The following PHAX variants were observed in gnomAD, a reference collection of about 807,000 sequenced individuals.
The protein encoded by PHAX is phosphorylated adaptor for RNA export.
Under a neutral mutation model 41.6 loss-of-function variants are expected in PHAX, and 31 were observed. The observed-to-expected ratio is 0.75, with a 90% confidence interval of 0.56 to 1.01. The LOEUF is 1.01. Among genes scored for constraint, PHAX ranks in the 50% least tolerant of loss-of-function variants. The pLI is 0.00. For missense variants in PHAX, 453 were observed against 472.9 expected, an observed-to-expected ratio of 0.96 and a Z score of 0.39; for synonymous variants, 175 against 164.9, an observed-to-expected ratio of 1.06 and a Z score of -0.47.
intron 3 of PHAX, among the ~76,000 whole-genome samples, chr5:126,609,614 G>A (rs190939398): frequency 1.6e-4 from 25 of 151,966 alleles, no homozygotes; most frequent in Admixed American, 4.6e-4. Context: ...AGGAGATGGT[G>A]CACATGAAAT....
chr5:126,600,999 C>G lies in PHAX; in HGVS notation c.37C>G (p.Leu13Val), dbSNP rs764612839. 1.4e-5 allele frequency: 22 copies of G among 1,605,704 alleles called. No homozygotes were observed. Among genetic ancestry groups the G allele is most frequent in the African/African-American group, 2.7e-5 (2 of 73,172 alleles). Residue 13 changes from leucine (L) to valine (V), a missense_variant, in exon 1 of 5, where the codon CTT becomes GTT. Coordinates refer to ENST00000297540, the MANE Select transcript of PHAX (RefSeq NM_032177.4). ...GGTCGGCGATATGGAAGATGGGCAG[C>G]TTTCCGACTCGGATTCCGACATGAC... The part of the protein sequence containing the change: ...LEVGDMEDGQ[L>V]SDSDSDMTVA...
At chr5:126,614,142 A>G (rs1013311424) in intron 3 of PHAX, among the ~76,000 whole-genome samples, 13 of 152,160 alleles carry the variant, frequency 8.5e-5, no homozygotes, top group Non-Finnish European at 1.8e-4. Flanking sequence ...TCTGTCACCC[A>G]GGGTGGAGTA....
Position 126,624,909 on chromosome 5 carries a change from T to C in PHAX, c.*65T>C. The C allele has an allele frequency of 7.0e-7, 1 of 1,432,592 alleles. No individual in the cohort carries two copies. The highest frequency in any genetic ancestry group is 1.4e-5 in the African/African-American group (1 of 70,170). The allele number at this position is 1,432,592 out of a possible 1,614,324, so 88.7% of individuals were successfully genotyped here. ...TAACATTGTAATAAACCATTTTTAC[T>C]GAGATTGCAACGTTTTGCACTGATA... On this transcript the variant is annotated 3_prime_UTR_variant, in exon 5 of 5. Transcript: ENST00000297540.
rs1322324382 is a variant in PHAX, at chr5:126,603,959, G to T, written c.486G>T (p.Lys162Asn). The change falls in exon 2 of 5, where the codon AAG (lysine) becomes AAT (asparagine). Residue 162 changes from lysine (K) to asparagine (N), a missense_variant. Transcript: ENST00000297540. ...YNYLLAKKLRKESQEHTKDLD... is the reference protein window; with the variant it reads ...YNYLLAKKLRNESQEHTKDLD... ...ATTTGCTTGCCAAGAAACTTAGGAA[G>T]GAATCTCAAGAGCATACAAAAGATC... The T allele has an allele frequency of 6.2e-7, 1 of 1,613,856 alleles. No individual in the cohort carries two copies. Among genetic ancestry groups the T allele is most frequent in the East Asian group, 2.2e-5 (1 of 44,884 alleles).
At chr5:126,615,166 CT>C (rs754327657) in intron 3 of PHAX, among the ~76,000 whole-genome samples, 35 of 151,970 alleles carry the variant, frequency 2.3e-4, no homozygotes, top group Non-Finnish European at 4.7e-4. Flanking sequence ...AGAGAGCCCC[CT>C]CATTCTTTTT....
chr5:126,603,255 G>A (rs1751932816), intron 1 of PHAX, among the ~76,000 whole-genome samples: 1 of 152,048 alleles, frequency 6.6e-6, no homozygotes, highest in South Asian at 2.1e-4. Context: ...CAATTATTAT[G>A]TATGTCATTT....
chr5:126,606,397 A>C (rs1751987758), intron 2 of PHAX, among the ~76,000 whole-genome samples: 3 of 152,040 alleles, frequency 2.0e-5, no homozygotes, highest in Admixed American at 2.0e-4. Context: ...GGGTTTCGCC[A>C]TGTTGGCCAG....
chr5:126,612,207 C>T (rs1752112642), intron 3 of PHAX, among the ~76,000 whole-genome samples: 1 of 152,164 alleles, frequency 6.6e-6, no homozygotes, highest in Non-Finnish European at 1.5e-5. Flanking sequence ...CAAGACTGCT[C>T]TCTCCACCCT....
At chr5:126,619,145 T>G (rs997884016) in intron 4 of PHAX, among the ~76,000 whole-genome samples, 5 of 152,184 alleles carry the variant, frequency 3.3e-5, no homozygotes, top group East Asian at 3.8e-4. Context: ...CAGGCTGGTC[T>G]CCAACTCCTG....
intron 3 of PHAX, among the ~76,000 whole-genome samples, chr5:126,612,283 G>GC (rs1408610190): frequency 6.6e-6 from 1 of 152,188 alleles, no homozygotes; most frequent in Non-Finnish European, 1.5e-5. Context: ...ATGAGAGAGT[G>GC]AGTAGGATAT....
At chr5:126,616,829 C>T (rs1475658075) in intron 3 of PHAX, among the ~76,000 whole-genome samples, 2 of 149,500 alleles carry the variant, frequency 1.3e-5, no homozygotes, top group African/African-American at 2.5e-5. Context: ...TGCAGTGAGC[C>T]GAGATCGCGC....
chr5:126,605,567 T>TG (rs1277025332), intron 2 of PHAX, among the ~76,000 whole-genome samples: 2 of 151,834 alleles, frequency 1.3e-5, no homozygotes, highest in African/African-American at 4.8e-5. Context: ...TTTTTTTTTT[T>TG]TTGTATTTTT....
intron 4 of PHAX, among the ~76,000 whole-genome samples, chr5:126,618,880 A>G (rs956268844): frequency 2.0e-5 from 3 of 151,968 alleles, no homozygotes; most frequent in African/African-American, 7.3e-5. Context: ...GATGGTCTCG[A>G]TCTCCTGACC....
Position 126,604,274 on chromosome 5 carries a change from C to CTTTTTTTTTTTTTTTTT in PHAX, c.710+94_710+110dup, listed in dbSNP as rs57270218. 1.2e-4 allele frequency: 76 copies of CTTTTTTTTTTTTTTTTT among 645,828 alleles called. 6 individuals carry two copies. The African/African-American group carries it at 2.0e-3, about 17-fold the overall frequency. 40.0% of individuals were successfully genotyped at this position (645,828 alleles called of 1,614,324 possible). On this transcript the variant is annotated intron_variant, in intron 2 of 4. Transcript: ENST00000297540. ...TGCCAAATACTTTAATGATATGTTC[C>CTTTTTTTTTTTTTTTTT]TTTTTTTTTTTTTTTTTTTGGAGAC... is the stretch of plus-strand genomic sequence containing the variant.
Position 126,625,474 on chromosome 5 carries a change from A to G in PHAX, c.*630A>G, listed in dbSNP as rs1021096243. 7 of 152,240 alleles carry G rather than the reference A, an allele frequency of 4.6e-5. No individual in the cohort carries two copies. In the East Asian group the frequency reaches 9.7e-4, roughly 21 times the overall value. The allele number at this position is 152,240 out of a possible 1,614,324, so 9.4% of individuals were successfully genotyped here. ...TAGCCAGGTGTGGTTCTCCATGCCT[A>G]TAATCCCGGCTACTCGGGAGGCTGA... On this transcript the variant is annotated 3_prime_UTR_variant, in exon 5 of 5. Transcript: ENST00000297540.
rs1437804896 is a variant in PHAX at position 126,603,563 on chromosome 5, C to T, written c.97-7C>T. On this transcript the variant is annotated splice_region_variant and splice_polypyrimidine_tract_variant and intron_variant, in intron 1 of 4. Transcript: ENST00000297540. Reference sequence around the variant, plus strand: ...GTGAAATTGATTGTGTTTCTTTTCACTTGCAGAAAGTGCTAGGTGGCGACA... The same window carrying T: ...GTGAAATTGATTGTGTTTCTTTTCATTTGCAGAAAGTGCTAGGTGGCGACA... 2 of 1,585,048 alleles carry T rather than the reference C, an allele frequency of 1.3e-6. No individual in the cohort carries two copies. Among genetic ancestry groups the T allele is most frequent in the Non-Finnish European group, 1.7e-6 (2 of 1,162,828 alleles).
intron 1 of PHAX, among the ~76,000 whole-genome samples, chr5:126,602,852 A>G (rs1348571596): frequency 6.6e-6 from 1 of 151,990 alleles, no homozygotes; most frequent in Non-Finnish European, 1.5e-5. Context: ...AAAATACAAA[A>G]AAATTAGCTG....
At chr5:126,624,062 G>A (rs1000292256) in intron 4 of PHAX, among the ~76,000 whole-genome samples, 3 of 145,708 alleles carry the variant, frequency 2.1e-5, no homozygotes, top group Admixed American at 1.4e-4. Flanking sequence ...AGGCTGGAGT[G>A]CAGTGGCACA....
intron 3 of PHAX, among the ~76,000 whole-genome samples, chr5:126,613,087 G>T (rs758383475): frequency 4.6e-5 from 7 of 152,218 alleles, no homozygotes; most frequent in Non-Finnish European, 8.8e-5. Flanking sequence ...AGTGCCTCAT[G>T]CCTGTAATCC....
Sources: allele counts gnomAD v4.1 joint callset (sites outside exome capture counted in the v4.1 genomes callset), GRCh38; gene constraint gnomAD v4.1.1; transcripts MANE v1.5; gene names NCBI Gene and HGNC (gene_info 2026-07-23, HGNC 2026-07-21).